Variants in NEDD9 observed in about 807,000 individuals in gnomAD.
NEDD9 encodes the protein neural precursor cell expressed, developmentally down-regulated 9, also known as enhancer of filamentation 1.
A neutral mutation model predicts 76.6 loss-of-function variants in NEDD9; 26 were observed. That is an observed-to-expected ratio of 0.34 (90% CI 0.25 to 0.47). The LOEUF (loss-of-function observed/expected upper bound fraction) is 0.47. Ranked by LOEUF, NEDD9 falls within the 20% of genes least tolerant of loss-of-function variation. NEDD9 has a pLI of 1.00. For synonymous variants in NEDD9, 392 were observed against 414.2 expected (o/e 0.95, Z 0.65); for missense variants, 937 against 1,058.5 (o/e 0.89, Z 1.59).
At chr6:11,226,860 T>C (rs1158017269) in intron 1 of NEDD9, among the ~76,000 whole-genome samples, 1 of 152,240 alleles carries the variant, frequency 6.6e-6, no homozygotes, top group Non-Finnish European at 1.5e-5. Context: ...ATCCTATAAC[T>C]ATCTGACAAG....
chr6:11,206,687 C>G (rs777214953), intron 2 of NEDD9, among the ~76,000 whole-genome samples: 2 of 152,146 alleles, frequency 1.3e-5, no homozygotes, highest in African/African-American at 2.4e-5. Context: ...AAATTTAGAA[C>G]GAAGTGCAAC....
chr6:11,251,141 C>T lies in NEDD9; in HGVS notation c.13-37414G>A, dbSNP rs1759906461. Reference sequence around the variant, plus strand: ...AACTGGCTGGCTGTTAGTTCATTCTCTTGACCTTAATTCTCTCAACATGGA... The same window carrying T: ...AACTGGCTGGCTGTTAGTTCATTCTTTTGACCTTAATTCTCTCAACATGGA... On this transcript the variant is annotated intron_variant, in intron 3 of 3. Coordinates refer to the NEDD9 transcript ENST00000397378. 9 of 152,226 alleles carry T rather than the reference C, an allele frequency of 5.9e-5. 1 individual carries two copies. The highest frequency in any genetic ancestry group is 5.9e-4 in the Admixed American group (9 of 15,280). The allele number at this position is 152,226 out of a possible 1,614,324, so 9.4% of individuals were successfully genotyped here. A position where few individuals can be genotyped will look rare whatever the true frequency, so the allele number is the denominator to read the frequency against.
intron 3 of NEDD9, among the ~76,000 whole-genome samples, chr6:11,279,669 C>T (rs1310453342): frequency 1.3e-5 from 2 of 152,176 alleles, no homozygotes. Context: ...GAGGATGGCT[C>T]GCAGGATATC....
chr6:11,193,652 T>C lies in NEDD9; in HGVS notation c.500A>G (p.Glu167Gly), dbSNP rs753287310. 2 of 1,613,914 alleles carry C rather than the reference T, an allele frequency of 1.2e-6. No homozygotes were observed. Among genetic ancestry groups the C allele is most frequent in the Non-Finnish European group, 1.7e-6 (2 of 1,179,906 alleles). ...PVRTGHGYVY[E>G]YPSRYQKDVY... ...GTCCTTTTGGTATCTGGATGGGTAC[T>C]CGTATACGTAGCCATGGCCTGTCCT... Residue 167 changes from glutamate (E) to glycine (G), a missense_variant, in exon 3 of 7, where the codon GAG (glutamate) becomes GGG (glycine). Coordinates refer to ENST00000379446, the MANE Select transcript of NEDD9 (RefSeq NM_006403.4).
chr6:11,214,429 T>A (rs914564994), intron 1 of NEDD9, among the ~76,000 whole-genome samples: 15 of 152,374 alleles, frequency 9.8e-5, no homozygotes, highest in African/African-American at 3.6e-4. Flanking sequence ...CTCGGTCTTT[T>A]ATGCATACCT....
chr6:11,346,640 AG>A (rs1762371756), intron 1 of NEDD9, among the ~76,000 whole-genome samples: 2 of 152,122 alleles, frequency 1.3e-5, no homozygotes, highest in South Asian at 4.2e-4. Context: ...TCGGGGAAGG[AG>A]GGGGCTGGGG....
intron 3 of NEDD9, among the ~76,000 whole-genome samples, chr6:11,268,813 A>G (rs1263011203): frequency 1.3e-5 from 2 of 152,052 alleles, no homozygotes; most frequent in Non-Finnish European, 1.5e-5. Context: ...TATTTATTTC[A>G]ACTGGCCCAA....
rs1757932961 is a variant in NEDD9 at position 11,184,766 on chromosome 6, T to C, written c.*396A>G. Reference sequence around the variant, plus strand: ...CGTGGAGAACAATATTATAACCAGCTGGTATGTTTTTAACAACAACAAAAA... The same window carrying C: ...CGTGGAGAACAATATTATAACCAGCCGGTATGTTTTTAACAACAACAAAAA... On this transcript the variant is annotated 3_prime_UTR_variant, in exon 7 of 7. Coordinates refer to ENST00000379446, the MANE Select transcript of NEDD9 (RefSeq NM_006403.4). The C allele has an allele frequency of 6.1e-6, 1 of 165,030 alleles. No individual in the cohort carries two copies. Among genetic ancestry groups the C allele is most frequent in the Non-Finnish European group, 1.3e-5 (1 of 74,864 alleles). The allele number at this position is 165,030 out of a possible 1,614,324, so 10.2% of individuals were successfully genotyped here.
chr6:11,218,555 G>C (rs1247175753), intron 1 of NEDD9, among the ~76,000 whole-genome samples: 6 of 152,132 alleles, frequency 3.9e-5, no homozygotes, highest in Admixed American at 3.9e-4. Context: ...TAAGTTCAGA[G>C]ATGCAAATTC....
At chr6:11,226,268 T>TAC (rs1189201727) in intron 1 of NEDD9, among the ~76,000 whole-genome samples, 2 of 152,120 alleles carry the variant, frequency 1.3e-5, no homozygotes, top group African/African-American at 4.8e-5. Flanking sequence ...TTTTTTTGTG[T>TAC]GTGTGTGTCC....
rs749444589 is a variant in NEDD9 at position 11,188,277 on chromosome 6, C to T, written c.1936G>A (p.Glu646Lys). Residue 646 changes from glutamate to lysine, a missense_variant, in exon 6 of 7, where the codon GAG becomes AAG. By Grantham distance (56) the Glu-to-Lys change is moderately conservative. Transcript: ENST00000379446. ...GKEEFERQQK[E>K]LLEKENIMKQ... ...ATGATATTCTCTTTTTCCAATAGCTCTTTCTGTTGCCTCTCAAACTCCTCC... is the reference window on the plus strand; with the variant it reads ...ATGATATTCTCTTTTTCCAATAGCTTTTTCTGTTGCCTCTCAAACTCCTCC... 5 of 1,614,024 alleles carry T rather than the reference C, an allele frequency of 3.1e-6. No individual in the cohort carries two copies. The highest frequency in any genetic ancestry group is 4.2e-6 in the Non-Finnish European group (5 of 1,179,990).
Position 11,325,019 on chromosome 6 carries a change from C to T in NEDD9, c.-153+9482G>A, listed in dbSNP as rs138078350. 2.0e-5 allele frequency among the ~76,000 whole-genome samples: 3 copies of T among 152,174 alleles called. No individual in the cohort carries two copies. In the East Asian group the frequency reaches 5.8e-4, roughly 29 times the overall value. ...ACCCATAGGCCTTTTTTAAATTCTT[C>T]CTTACTTGTCAGTAAGCCAAAGGTA... On this transcript the variant is annotated intron_variant, in intron 2 of 3. Coordinates refer to the NEDD9 transcript ENST00000397378.
At chr6:11,225,127 C>A (rs1397593622) in intron 1 of NEDD9, among the ~76,000 whole-genome samples, 1 of 151,988 alleles carries the variant, frequency 6.6e-6, no homozygotes, top group Non-Finnish European at 1.5e-5. Flanking sequence ...CACACATACA[C>A]ACAGTAAAAA....
At chr6:11,245,639 A>T (rs1259348683) in intron 3 of NEDD9, among the ~76,000 whole-genome samples, 2 of 42,406 alleles carry the variant, frequency 4.7e-5, no homozygotes, top group Non-Finnish European at 8.2e-5. Flanking sequence ...GCGTTGGGGG[A>T]AAAAAATCAC....
At chr6:11,352,399 C>T (rs1293621953) in intron 1 of NEDD9, 1 of 152,200 alleles carries the variant, frequency 6.6e-6, no homozygotes, top group Non-Finnish European at 1.5e-5. Flanking sequence ...GCTCGGTGGC[C>T]GGCCTTTTTC....
At chr6:11,214,250 G>T (rs776696746) in intron 1 of NEDD9, 8 of 511,320 alleles carry the variant, frequency 1.6e-5, no homozygotes, top group Non-Finnish European at 3.1e-5. Context: ...TGCCTTGGCA[G>T]GGCTTAGAAA....
intron 1 of NEDD9, among the ~76,000 whole-genome samples, chr6:11,229,572 C>T (rs1306467415): frequency 6.6e-6 from 1 of 151,898 alleles, no homozygotes; most frequent in Admixed American, 6.6e-5. Context: ...AGGCAATCAC[C>T]TAACCCCGCC....
At chr6:11,245,943 G>GT (rs35131387) in intron 3 of NEDD9, among the ~76,000 whole-genome samples, 34,759 of 148,638 alleles carry the variant, frequency 0.23, 4,408 homozygotes, top group Middle Eastern at 0.34. Context: ...ACATGGTTTA[G>GT]TTTTTTTTTT....
chr6:11,356,242 T>C (rs1309703902), intron 1 of NEDD9, among the ~76,000 whole-genome samples: 3 of 152,180 alleles, frequency 2.0e-5, no homozygotes, highest in Admixed American at 1.3e-4. Context: ...ATGGCTCTTA[T>C]AGACCACTGG....
Sources: gnomAD v4.1 joint callset for allele counts (sites outside exome capture counted in the v4.1 genomes callset) on GRCh38, gnomAD v4.1.1 for gene constraint, MANE v1.5 for transcripts, NCBI Gene and HGNC (gene_info 2026-07-23, HGNC 2026-07-21) for gene names.